Variants in GNAO1 observed in about 807,000 individuals in gnomAD.
GNAO1 encodes G protein subunit alpha o1, also known as guanine nucleotide-binding protein G(o) subunit alpha.
For synonymous variants in GNAO1, 164 were observed against 180.7 expected (o/e 0.91, Z 0.74); for missense variants, 166 against 478.7 (o/e 0.35, Z 6.10).
intron 6 of GNAO1, among the ~76,000 whole-genome samples, chr16:56,337,074 G>A (rs1312330816): frequency 6.6e-6 from 1 of 152,280 alleles, no homozygotes; most frequent in African/African-American, 2.4e-5. Flanking sequence ...GTGTGGCAGA[G>A]CCTGTGTATG....
intron 3 of GNAO1, among the ~76,000 whole-genome samples, chr16:56,281,391 C>A (rs60059063): frequency 1.3e-5 from 2 of 152,182 alleles, no homozygotes; most frequent in Admixed American, 6.5e-5. Flanking sequence ...GCCTTACCCC[C>A]CTGGGTTCTC....
chr16:56,300,036 T>TGTGTGTGTGTGTGCGCGC (rs753591618), intron 3 of GNAO1, among the ~76,000 whole-genome samples: 2 of 95,112 alleles, frequency 2.1e-5, no homozygotes, highest in African/African-American at 9.5e-5. Context: ...TGTGTGTGTG[T>TGTGTGTGTGTGTGCGCGC]GCGCGCGCGC....
At chr16:56,314,563 C>T (rs1351996868) in intron 3 of GNAO1, among the ~76,000 whole-genome samples, 2 of 152,164 alleles carry the variant, frequency 1.3e-5, no homozygotes, top group African/African-American at 2.4e-5. Flanking sequence ...TCTTCACCAA[C>T]GACATTCTTC....
intron 3 of GNAO1, among the ~76,000 whole-genome samples, chr16:56,287,253 G>T (rs1380575925): frequency 3.3e-5 from 5 of 152,228 alleles, no homozygotes; most frequent in African/African-American, 1.2e-4. Flanking sequence ...GTCCCTTGGA[G>T]CCTGCCCCAG....
intron 3 of GNAO1, among the ~76,000 whole-genome samples, chr16:56,294,001 A>G (rs1295376612): frequency 1.3e-5 from 2 of 152,228 alleles, no homozygotes; most frequent in Non-Finnish European, 2.9e-5. Context: ...ACACCAAGTC[A>G]TATCACTTAA....
intron 3 of GNAO1, among the ~76,000 whole-genome samples, chr16:56,314,301 G>A (rs994759472): frequency 6.6e-6 from 1 of 152,138 alleles, no homozygotes; most frequent in Non-Finnish European, 1.5e-5. Context: ...GTGGCTCACT[G>A]GTTCATTTTT....
chr16:56,333,962 C>A (rs1405754970), intron 4 of GNAO1, among the ~76,000 whole-genome samples: 1 of 152,240 alleles, frequency 6.6e-6, no homozygotes, highest in Admixed American at 6.5e-5. Context: ...TCAAACTTAA[C>A]CCACAATGAA....
At chr16:56,211,630 G>A (rs1459719706) in intron 2 of GNAO1, among the ~76,000 whole-genome samples, 1 of 152,226 alleles carries the variant, frequency 6.6e-6, no homozygotes, top group East Asian at 1.9e-4. Flanking sequence ...AACTTGTTGA[G>A]TTCTAGGAAC....
chr16:56,268,445 T>A (rs537717616), intron 2 of GNAO1, among the ~76,000 whole-genome samples: 69 of 152,362 alleles, frequency 4.5e-4, no homozygotes, highest in Middle Eastern at 6.8e-3. Context: ...AACCCAAATG[T>A]GTCACTCCAG....
rs1438049337 is a variant in GNAO1 at position 56,354,273 on chromosome 16, T to A, written c.878-593T>A. On this transcript the variant is annotated intron_variant, in intron 7 of 8. Transcript: ENST00000262493. The surrounding 1 kb of genome is among the most constrained non-coding windows in gnomAD (Gnocchi z 4.3). ...GTCCCAGGCGGGGCTTCCGGGTGGA[T>A]CTGGTGTGAAAACAGTAAGAGATCT... Among the ~76,000 whole-genome samples, 1 of 152,232 alleles carries A rather than the reference T, an allele frequency of 6.6e-6. No individual in the cohort carries two copies. The highest frequency in any genetic ancestry group is 1.9e-4 in the East Asian group (1 of 5,196).
intron 4 of GNAO1, chr16:56,329,066 C>G (rs1481483191): frequency 2.5e-6 from 1 of 399,780 alleles, no homozygotes; most frequent in African/African-American, 2.0e-5. Flanking sequence ...ACTGGCTTGT[C>G]CTGGAGAGTG....
chr16:56,211,136 G>A (rs2036382838), intron 2 of GNAO1, among the ~76,000 whole-genome samples: 1 of 152,196 alleles, frequency 6.6e-6, no homozygotes, highest in Non-Finnish European at 1.5e-5. Context: ...AAGGGTTAGG[G>A]AAAGCCAGGT....
intron 3 of GNAO1, among the ~76,000 whole-genome samples, chr16:56,316,860 C>T (rs1471282317): frequency 2.0e-5 from 3 of 152,164 alleles, no homozygotes; most frequent in African/African-American, 7.2e-5. Flanking sequence ...CGCCCTGGCT[C>T]CTGCTTAACT....
At chr16:56,274,955 A>G (rs750896435) in intron 2 of GNAO1, among the ~76,000 whole-genome samples, 5 of 152,246 alleles carry the variant, frequency 3.3e-5, no homozygotes, top group Non-Finnish European at 7.3e-5. Context: ...AAAAAGAAGA[A>G]GAATCTTTAG....
At chr16:56,259,114 A>G (rs1004363722) in intron 2 of GNAO1, among the ~76,000 whole-genome samples, 2 of 152,234 alleles carry the variant, frequency 1.3e-5, no homozygotes, top group Non-Finnish European at 2.9e-5. Flanking sequence ...GGGGACATGC[A>G]GGAGCCAGTG....
chr16:56,291,902 A>T (rs1396716344), intron 3 of GNAO1, among the ~76,000 whole-genome samples: 6 of 152,168 alleles, frequency 3.9e-5, no homozygotes, highest in African/African-American at 1.4e-4. Context: ...CGAGATGGCA[A>T]CACTCTTATG....
intron 3 of GNAO1, among the ~76,000 whole-genome samples, chr16:56,283,750 C>T (rs1040949413): frequency 3.3e-5 from 5 of 152,134 alleles, no homozygotes; most frequent in African/African-American, 1.2e-4. Context: ...AGCCCAAACA[C>T]GAGGCCAGGA....
intron 3 of GNAO1, chr16:56,301,601 G>T (rs2037344491): frequency 6.6e-6 from 1 of 152,246 alleles, no homozygotes; most frequent in South Asian, 2.1e-4. Context: ...GGGAGATTGG[G>T]TTTTTTTAAT....
intron 6 of GNAO1, among the ~76,000 whole-genome samples, chr16:56,337,811 C>T (rs1044301228): frequency 1.3e-5 from 2 of 152,158 alleles, no homozygotes; most frequent in Non-Finnish European, 2.9e-5. Context: ...GGGCTGCAGC[C>T]CGCCAGGCAC....
Sources: gnomAD v4.1 joint callset for allele counts (sites outside exome capture counted in the v4.1 genomes callset) on GRCh38, gnomAD v4.1.1 for gene constraint, Gnocchi (gnomAD v3.1) non-coding constraint, MANE v1.5 for transcripts, NCBI Gene and HGNC (gene_info 2026-07-23, HGNC 2026-07-21) for gene names.